Variants in IGF2R observed in about 807,000 individuals in gnomAD.
IGF2R encodes insulin like growth factor 2 receptor, also known as cation-independent mannose-6-phosphate receptor.
Under a neutral mutation model 270.6 loss-of-function variants are expected in IGF2R, and 91 were observed. That is an observed-to-expected ratio of 0.34 (90% CI 0.28 to 0.40). The LOEUF (loss-of-function observed/expected upper bound fraction) is 0.40, where lower values mean the gene tolerates loss of function less well. Ranked by LOEUF, IGF2R falls within the 10% of genes least tolerant of loss-of-function variation. The probability of loss-of-function intolerance (pLI) is 1.00; values close to 1 mark genes in which losing one functional copy is unlikely to be tolerated. For missense variants in IGF2R, 2,805 were observed against 3,188.3 expected (o/e 0.88, Z 2.90); for synonymous variants, 1,316 against 1,258.9 (o/e 1.05, Z -0.96).
intron 21 of IGF2R, 96 bp from the exon 22 acceptor site, chr6:160,058,810 T>C (rs1778367270): frequency 6.5e-6 from 7 of 1,075,668 alleles, no homozygotes; most frequent in Non-Finnish European, 8.2e-6. Context: ...ATAAGAAATG[T>C]TTAACCTAGT....
chr6:160,075,743 A>T, intron 35 of IGF2R, 104 bp from the exon 36 acceptor site: 1 of 1,162,538 alleles, frequency 8.6e-7, no homozygotes, highest in Non-Finnish European at 1.2e-6. Flanking sequence ...CATTCTCAGA[A>T]CCTATGAGGT....
chr6:160,060,631 A>G lies in IGF2R; in HGVS notation c.3176A>G (p.Asp1059Gly), dbSNP rs769624561. Residue 1059 changes from aspartate (D) to glycine (G), a missense_variant, in exon 23 of 48, where the codon GAC becomes GGC. Transcript: ENST00000356956. ...CTCAAATTCCTGCATCAAGATATCG[A>G]CTCTGGGCAAGGGATCCGAAACACT... ...GPLKFLHQDI[D>G]SGQGIRNTYF... 1.9e-6 allele frequency: 3 copies of G among 1,614,086 alleles called. No homozygotes were observed. Among genetic ancestry groups the G allele is most frequent in the Non-Finnish European group, 2.5e-6 (3 of 1,180,022 alleles).
chr6:160,016,853 C>T (rs1309985466), intron 4 of IGF2R, among the ~76,000 whole-genome samples: 1 of 152,238 alleles, frequency 6.6e-6, no homozygotes, highest in Non-Finnish European at 1.5e-5. Flanking sequence ...GTCACATTCT[C>T]AGGGCGGGGG....
chr6:160,027,780 A>C (rs1331080420), intron 6 of IGF2R, among the ~76,000 whole-genome samples: 1 of 152,224 alleles, frequency 6.6e-6, no homozygotes, highest in Non-Finnish European at 1.5e-5. Context: ...TGCCGTGTAC[A>C]TATGCTCTTG....
intron 1 of IGF2R, among the ~76,000 whole-genome samples, chr6:159,980,827 T>G (rs1783788592): frequency 6.6e-6 from 1 of 152,190 alleles, no homozygotes; most frequent in South Asian, 2.1e-4. Context: ...TGGATTGTCC[T>G]TAAAGGCGGT....
At position 160,109,543 on chromosome 6, in the gene IGF2R, G is replaced by C. The variant is rs538564679; in HGVS notation, c.*4459G>C. On this transcript the variant is annotated 3_prime_UTR_variant, in exon 48 of 48. Transcript: ENST00000356956. ...AAATGAGGACCTTCACAGGACTAAG[G>C]TGCCACCATCAGAACCACAATATGT... 1.3e-5 allele frequency: 2 copies of C among 152,130 alleles called. No individual in the cohort carries two copies. Among genetic ancestry groups the C allele is most frequent in the Non-Finnish European group, 2.9e-5 (2 of 68,030 alleles). 9.4% of individuals were successfully genotyped at this position (152,130 alleles called of 1,614,324 possible).
chr6:160,045,969 G>A, intron 14 of IGF2R, 87 bp downstream of exon 14: 2 of 1,209,016 alleles, frequency 1.7e-6, no homozygotes, highest in Non-Finnish European at 1.1e-6. Context: ...GGTTTTCAAG[G>A]TGACCCGCCT....
chr6:160,081,699 G>A lies in IGF2R; in HGVS notation c.5833+1424G>A, dbSNP rs555055258. Reference sequence around the variant, plus strand: ...TAAGAGGCGCCCCTGCCTTCCTCCCGGGAATGCATTCTTTTCCCAGGGCTG... The same window carrying A: ...TAAGAGGCGCCCCTGCCTTCCTCCCAGGAATGCATTCTTTTCCCAGGGCTG... On this transcript the variant is annotated intron_variant, in intron 39 of 47. Coordinates refer to ENST00000356956, the MANE Select transcript of IGF2R (RefSeq NM_000876.4). Among the ~76,000 whole-genome samples, 6 of 152,282 alleles carry A rather than the reference G, an allele frequency of 3.9e-5. No individual in the cohort carries two copies. In the East Asian group the frequency reaches 5.8e-4, roughly 15 times the overall value.
At chr6:160,033,485 C>T (rs1234154950) in intron 9 of IGF2R, among the ~76,000 whole-genome samples, 1 of 152,244 alleles carries the variant, frequency 6.6e-6, no homozygotes, top group Non-Finnish European at 1.5e-5. Flanking sequence ...ATAACTCCCT[C>T]TCCTTTTCTT....
chr6:160,003,948 G>C (rs1784171137), intron 2 of IGF2R: 1 of 152,136 alleles, frequency 6.6e-6, no homozygotes. Flanking sequence ...TGAGCTGTGT[G>C]TCTCTCTGGG....
At chr6:159,989,090 G>C (rs568888263) in intron 1 of IGF2R, among the ~76,000 whole-genome samples, 2 of 152,258 alleles carry the variant, frequency 1.3e-5, no homozygotes, top group Non-Finnish European at 1.5e-5. Context: ...TTGGGCACCT[G>C]AGTACCCCAG....
intron 1 of IGF2R, among the ~76,000 whole-genome samples, chr6:159,986,576 T>G (rs760165567): frequency 2.0e-5 from 3 of 152,148 alleles, no homozygotes; most frequent in Non-Finnish European, 4.4e-5. Flanking sequence ...CCTGAAGTTC[T>G]TTCTTTCAGA....
At position 160,068,364 on chromosome 6, in the gene IGF2R, C is replaced by T. The variant is rs765381804; in HGVS notation, c.4231C>T (p.Leu1411=). Residue 1411 remains leucine, a synonymous_variant, in exon 30 of 48, where the codon CTG becomes TTG. Transcript: ENST00000356956. ...EHYLINVCKS[L]APQAGTEPCP... is the part of the protein sequence containing the mutation. ...CTACCTCATCAATGTCTGCAAGTCT[C>T]TGGCCCCGCAGGCTGGCACTGGTGA... The T allele has an allele frequency of 6.2e-7, 1 of 1,614,190 alleles. No individual in the cohort carries two copies. The highest frequency in any genetic ancestry group is 1.1e-5 in the South Asian group (1 of 91,086).
intron 10 of IGF2R, among the ~76,000 whole-genome samples, chr6:160,039,329 C>T (rs749652479): frequency 2.0e-5 from 3 of 152,172 alleles, no homozygotes; most frequent in Admixed American, 6.5e-5. Flanking sequence ...ACTAAAAATA[C>T]GATACTATAA....
At position 160,014,511 on chromosome 6, in the gene IGF2R, C is replaced by T. The variant is rs192706360; in HGVS notation, c.513+3726C>T. Among the ~76,000 whole-genome samples, 23 of 152,270 alleles carry T rather than the reference C, an allele frequency of 1.5e-4. No homozygotes were observed. In the East Asian group the frequency reaches 3.5e-3, roughly 23 times the overall value. On this transcript the variant is annotated intron_variant, in intron 4 of 47. Transcript: ENST00000356956. ...GACAGCCAGTAGTTGCTACCTGCCC[C>T]GAGCAGGGTGCTTGCAGATCTTGCC...
intron 1 of IGF2R, among the ~76,000 whole-genome samples, chr6:159,984,389 A>G (rs559889684): frequency 1.3e-5 from 2 of 152,324 alleles, no homozygotes; most frequent in South Asian, 4.1e-4. Flanking sequence ...GTCTTATGAA[A>G]GCGTCCAGTC....
intron 2 of IGF2R, among the ~76,000 whole-genome samples, chr6:159,993,398 T>C (rs965241208): frequency 1.3e-5 from 2 of 152,124 alleles, no homozygotes; most frequent in Admixed American, 1.3e-4. Context: ...CTTTTGTATA[T>C]GGTGAGAGAT....
chr6:160,063,446 T>C lies in IGF2R; in HGVS notation c.3702T>C (p.His1234=), dbSNP rs372350856. ...GDNCEVKDPR[H]GNLYDLKPLG... Reference sequence around the variant, plus strand: ...ACTGTGAGGTGAAAGACCCAAGGCATGGCAACTTGTATGACCTGAAGCCCC... The same window carrying C: ...ACTGTGAGGTGAAAGACCCAAGGCACGGCAACTTGTATGACCTGAAGCCCC... The change falls in exon 27 of 48, where the codon CAT becomes CAC. Residue 1234 remains histidine, a synonymous_variant. Coordinates refer to ENST00000356956, the MANE Select transcript of IGF2R (RefSeq NM_000876.4). The C allele has an allele frequency of 5.1e-5, 83 of 1,612,670 alleles. No individual in the cohort carries two copies. Among genetic ancestry groups the C allele is most frequent in the Non-Finnish European group, 7.0e-5 (83 of 1,180,036 alleles).
Position 160,107,006 on chromosome 6 carries a change from C to T in IGF2R, c.*1922C>T, listed in dbSNP as rs1488195212. 6.6e-6 allele frequency: 1 copy of T among 152,212 alleles called. No homozygotes were observed. The highest frequency in any genetic ancestry group is 1.9e-4 in the East Asian group (1 of 5,202). 9.4% of individuals were successfully genotyped at this position (152,212 alleles called of 1,614,324 possible). ...TTACTCCAGTGTTATAAACAAACTT[C>T]TTAGACTCAACATCCTATTCTCCAT... On this transcript the variant is annotated 3_prime_UTR_variant, in exon 48 of 48. Coordinates refer to ENST00000356956, the MANE Select transcript of IGF2R (RefSeq NM_000876.4).
Sources: allele counts gnomAD v4.1 joint callset (sites outside exome capture counted in the v4.1 genomes callset), GRCh38; gene constraint gnomAD v4.1.1; transcripts MANE v1.5; gene names NCBI Gene and HGNC (gene_info 2026-07-23, HGNC 2026-07-21).